The following OSBPL8 variants were observed in gnomAD, a reference collection of about 807,000 sequenced individuals.
The protein encoded by OSBPL8 is oxysterol-binding protein-related protein 8.
In OSBPL8, 59 loss-of-function variants were observed where a neutral mutation model predicts 125.5. That is an observed-to-expected ratio of 0.47 (90% CI 0.38 to 0.58). OSBPL8 has a LOEUF of 0.58. Among genes scored for constraint, OSBPL8 ranks in the 20% least tolerant of loss-of-function variants. The pLI is 0.00. For synonymous variants in OSBPL8, 330 were observed against 338.9 expected, an observed-to-expected ratio of 0.97 and a Z score of 0.29; for missense variants, 758 against 1,047.8, an observed-to-expected ratio of 0.72 and a Z score of 3.82.
chr12:76,410,691 A>G (rs1235675054), intron 4 of OSBPL8, 57 bp from the exon 5 acceptor site: 3 of 1,192,156 alleles, frequency 2.5e-6, no homozygotes, highest in Admixed American at 3.5e-5. Flanking sequence ...ATAATAAGTC[A>G]TTCATTTTCA....
At chr12:76,499,304 C>CTGTA (rs1555231512) in intron 1 of OSBPL8, among the ~76,000 whole-genome samples, 1 of 127,986 alleles carries the variant, frequency 7.8e-6, no homozygotes, top group Non-Finnish European at 1.7e-5. Flanking sequence ...ACTTAATAAA[C>CTGTA]TCTATCTATC....
rs116403881 is a variant in OSBPL8 at position 76,409,712 on chromosome 12, C to A, written c.288+852G>T. Among the ~76,000 whole-genome samples the A allele has an allele frequency of 2.9e-3, 444 of 152,166 alleles. 2 individuals carry two copies. Among genetic ancestry groups the A allele is most frequent in the African/African-American group, 0.01 (427 of 41,516 alleles). On this transcript the variant is annotated intron_variant, in intron 5 of 23. Transcript: ENST00000261183. ...TAGATGAACTTTTGTGTAATGTATACATAAAAAGTGGGAATAATATTTATG... is the reference window on the plus strand; with the variant it reads ...TAGATGAACTTTTGTGTAATGTATAAATAAAAAGTGGGAATAATATTTATG...
rs187472326 is a variant in OSBPL8, at chr12:76,538,805, G to A, written c.-68+20592C>T. ...TCTACTAAAAATACAAACATTAGCC[G>A]GCTGTGGTGGCACATGTCTGTAGTC... On this transcript the variant is annotated intron_variant, in intron 1 of 23. Coordinates refer to ENST00000261183, the MANE Select transcript of OSBPL8 (RefSeq NM_020841.5). 1.7e-3 allele frequency among the ~76,000 whole-genome samples: 260 copies of A among 151,686 alleles called. 1 individual carries two copies. The highest frequency in any genetic ancestry group is 6.1e-3 in the African/African-American group (251 of 41,352).
At chr12:76,546,416 A>G (rs1950784582) in intron 1 of OSBPL8, among the ~76,000 whole-genome samples, 1 of 152,140 alleles carries the variant, frequency 6.6e-6, no homozygotes, top group South Asian at 2.1e-4. Flanking sequence ...AATTCTTGGG[A>G]AAATAATAAG....
At chr12:76,358,005 T>C (rs1952048220) in intron 22 of OSBPL8, among the ~76,000 whole-genome samples, 1 of 152,102 alleles carries the variant, frequency 6.6e-6, no homozygotes, top group African/African-American at 2.4e-5. Context: ...ATTTTTATTG[T>C]CTGTCACTTC....
chr12:76,477,801 C>G (rs1876990787), intron 2 of OSBPL8, among the ~76,000 whole-genome samples: 1 of 151,574 alleles, frequency 6.6e-6, no homozygotes, highest in African/African-American at 2.4e-5. Flanking sequence ...TATGGGAACT[C>G]TATTATCTTT....
intron 5 of OSBPL8, among the ~76,000 whole-genome samples, chr12:76,408,981 G>C (rs1954392280): frequency 1.3e-5 from 2 of 151,062 alleles, no homozygotes; most frequent in South Asian, 4.2e-4. Context: ...TTAATTGCTT[G>C]AAAATAGATC....
intron 2 of OSBPL8, among the ~76,000 whole-genome samples, chr12:76,460,234 G>A (rs897337651): frequency 6.6e-6 from 1 of 152,072 alleles, no homozygotes; most frequent in Non-Finnish European, 1.5e-5. Context: ...GTTAGTAAAG[G>A]TAAAAATTAC....
intron 16 of OSBPL8, among the ~76,000 whole-genome samples, chr12:76,375,740 T>TA (rs750205629): frequency 0.13 from 15,841 of 124,822 alleles, 1,106 homozygotes; most frequent in Non-Finnish European, 0.18. Context: ...CCACATTGTT[T>TA]TAAAAAAAAA....
chr12:76,489,657 T>G (rs1878505193), intron 1 of OSBPL8, among the ~76,000 whole-genome samples: 1 of 152,254 alleles, frequency 6.6e-6, no homozygotes, highest in African/African-American at 2.4e-5. Flanking sequence ...TCACTGACAA[T>G]GCACTTGGTC....
intron 1 of OSBPL8, among the ~76,000 whole-genome samples, chr12:76,522,788 C>T (rs963070778): frequency 7.9e-5 from 12 of 152,130 alleles, no homozygotes; most frequent in African/African-American, 2.9e-4. Context: ...TGAACTAAGA[C>T]ATATGATAAA....
At chr12:76,548,271 G>A (rs529696606) in intron 1 of OSBPL8, among the ~76,000 whole-genome samples, 2 of 152,196 alleles carry the variant, frequency 1.3e-5, no homozygotes, top group African/African-American at 4.8e-5. Flanking sequence ...GAGATTGATA[G>A]AAATAACAAG....
Position 76,369,796 on chromosome 12 carries a change from A to C in OSBPL8, c.2081T>G (p.Ile694Arg). The C allele has an allele frequency of 1.9e-6, 3 of 1,613,284 alleles. No individual in the cohort carries two copies. The highest frequency in any genetic ancestry group is 2.5e-6 in the Non-Finnish European group (3 of 1,179,572). Residue 694 changes from isoleucine to arginine, a missense_variant, in exon 20 of 24, where the codon ATA (isoleucine) becomes AGA (arginine). Ile to Arg is a moderately conservative substitution (Grantham distance 97). Transcript: ENST00000261183. Reference sequence around the variant, plus strand: ...AGCTTCAGTTTGGTCTTTGGCATTTATGGCTCGAGTTACCCGTTGCCAGAG... The same window carrying C: ...AGCTTCAGTTTGGTCTTTGGCATTTCTGGCTCGAGTTACCCGTTGCCAGAG... Reference protein sequence around the residue: ...EKLWQRVTRAINAKDQTEATQ... With the variant: ...EKLWQRVTRARNAKDQTEATQ...
intron 2 of OSBPL8, among the ~76,000 whole-genome samples, chr12:76,479,017 T>C (rs955336119): frequency 5.9e-5 from 9 of 152,060 alleles, no homozygotes; most frequent in African/African-American, 1.7e-4. Flanking sequence ...CCCAGGATCA[T>C]GCCACTGCAC....
At chr12:76,409,764 G>C (rs1248463849) in intron 5 of OSBPL8, among the ~76,000 whole-genome samples, 1 of 152,140 alleles carries the variant, frequency 6.6e-6, no homozygotes, top group Non-Finnish European at 1.5e-5. Context: ...AACATACTGT[G>C]CAAGCCTCTC....
intron 1 of OSBPL8, among the ~76,000 whole-genome samples, chr12:76,524,183 G>T (rs1592848751): frequency 6.6e-6 from 1 of 152,106 alleles, no homozygotes; most frequent in East Asian, 1.9e-4. Flanking sequence ...AGCTAAATAA[G>T]ATATAGGAAT....
At chr12:76,538,238 G>C (rs1317009798) in intron 1 of OSBPL8, among the ~76,000 whole-genome samples, 1 of 152,040 alleles carries the variant, frequency 6.6e-6, no homozygotes, top group Non-Finnish European at 1.5e-5. Flanking sequence ...ATAAAAATTT[G>C]ATGTGTTATA....
At chr12:76,387,097 T>C (rs1953346152) in intron 12 of OSBPL8, among the ~76,000 whole-genome samples, 1 of 152,204 alleles carries the variant, frequency 6.6e-6, no homozygotes. Context: ...TTAGAAGTCT[T>C]CAGCCTCACA....
chr12:76,400,166 A>T (rs1296912508), intron 6 of OSBPL8, among the ~76,000 whole-genome samples, 192 bp from the exon 7 acceptor site: 4 of 151,248 alleles, frequency 2.6e-5, no homozygotes, highest in South Asian at 4.2e-4. Context: ...CCCTCCTCCC[A>T]CCCTCACCCT....
Sources: gnomAD v4.1 joint callset for allele counts (sites outside exome capture counted in the v4.1 genomes callset) on GRCh38, gnomAD v4.1.1 for gene constraint, MANE v1.5 for transcripts, NCBI Gene and HGNC (gene_info 2026-07-23, HGNC 2026-07-21) for gene names.